EYA4: variants seen among roughly 807,000 people sequenced by gnomAD.
The protein encoded by EYA4 is EYA transcriptional coactivator and phosphatase 4.
In EYA4, 31 loss-of-function variants were observed where a neutral mutation model predicts 87.9. The ratio of observed to expected loss-of-function variants is 0.35; its 90% confidence interval spans 0.27 to 0.48. The LOEUF (loss-of-function observed/expected upper bound fraction) is 0.48. Ranked by LOEUF, EYA4 falls within the 20% of genes least tolerant of loss-of-function variation. EYA4 has a pLI of 0.99. For synonymous variants in EYA4, 263 were observed against 270.6 expected, an observed-to-expected ratio of 0.97 and a Z score of 0.28; for missense variants, 678 against 761.4, an observed-to-expected ratio of 0.89 and a Z score of 1.29.
At chr6:133,455,132 G>A (rs1447304511) in intron 5 of EYA4, among the ~76,000 whole-genome samples, 1 of 152,124 alleles carries the variant, frequency 6.6e-6, no homozygotes, top group Non-Finnish European at 1.5e-5. Flanking sequence ...TTTTATAGTA[G>A]TAAATATAAA....
At chr6:133,338,014 A>T (rs1161996861) in intron 2 of EYA4, among the ~76,000 whole-genome samples, 1 of 152,212 alleles carries the variant, frequency 6.6e-6, no homozygotes, top group Non-Finnish European at 1.5e-5. Context: ...GGCCAGATGC[A>T]TAGGGTGAAG....
intron 3 of EYA4, among the ~76,000 whole-genome samples, chr6:133,405,272 T>C (rs1788607548): frequency 6.6e-6 from 1 of 152,152 alleles, no homozygotes; most frequent in Non-Finnish European, 1.5e-5. Flanking sequence ...AAAATATCTA[T>C]TGGATATATG....
intron 1 of EYA4, among the ~76,000 whole-genome samples, chr6:133,243,398 T>C (rs1774134911): frequency 6.6e-6 from 1 of 152,138 alleles, no homozygotes; most frequent in Non-Finnish European, 1.5e-5. Flanking sequence ...GTGGCCACTT[T>C]GTGAACCCTC....
At chr6:133,524,474 C>A (rs555866591) in intron 18 of EYA4, among the ~76,000 whole-genome samples, 1 of 152,200 alleles carries the variant, frequency 6.6e-6, no homozygotes, top group East Asian at 1.9e-4. Flanking sequence ...CGGTGATGTT[C>A]CCGTAGTGCA....
Position 133,529,492 on chromosome 6 carries a change from G to A in EYA4, c.*687G>A, listed in dbSNP as rs1369641785. On this transcript the variant is annotated 3_prime_UTR_variant, in exon 20 of 20. Coordinates refer to ENST00000355286, the MANE Select transcript of EYA4 (RefSeq NM_004100.5). ...CAAGACAGCATTTGTGTGTTACAAT[G>A]TAACTTTGGTTAAAATCTCTGTAGA... 2 of 933,100 alleles carry A rather than the reference G, an allele frequency of 2.1e-6. No individual in the cohort carries two copies. The highest frequency in any genetic ancestry group is 9.9e-5 in the South Asian group (2 of 20,260). The allele number at this position is 933,100 out of a possible 1,614,324, so 57.8% of individuals were successfully genotyped here. A position where few individuals can be genotyped will look rare whatever the true frequency, so the allele number is the denominator to read the frequency against.
intron 2 of EYA4, among the ~76,000 whole-genome samples, chr6:133,293,801 G>T (rs1416761501): frequency 6.6e-6 from 1 of 151,354 alleles, no homozygotes; most frequent in Non-Finnish European, 1.5e-5. Flanking sequence ...GACAGGCATG[G>T]TGGCATGCAC....
intron 14 of EYA4, 35 bp downstream of exon 14, chr6:133,506,230 A>C: frequency 8.9e-7 from 1 of 1,117,448 alleles, no homozygotes; most frequent in Non-Finnish European, 1.4e-6. Context: ...AGTTGTATCC[A>C]ACACCAGACC....
At chr6:133,383,700 TC>T (rs1786454883) in intron 3 of EYA4, among the ~76,000 whole-genome samples, 1 of 152,116 alleles carries the variant, frequency 6.6e-6, no homozygotes, top group African/African-American at 2.4e-5. Context: ...ATATGGATTT[TC>T]CCTTTGGATC....
intron 2 of EYA4, among the ~76,000 whole-genome samples, chr6:133,288,855 G>A (rs527529920): frequency 8.5e-5 from 13 of 152,200 alleles, no homozygotes; most frequent in East Asian, 3.9e-4. Context: ...ACTGTCTGAC[G>A]TTCCAAGAGG....
At chr6:133,522,120 A>T (rs1800221331) in intron 17 of EYA4, among the ~76,000 whole-genome samples, 1 of 146,188 alleles carries the variant, frequency 6.8e-6, no homozygotes, top group East Asian at 2.0e-4. Flanking sequence ...TATAATAATA[A>T]AAAAAAAAAG....
chr6:133,465,280 G>A (rs2128666004), intron 10 of EYA4, among the ~76,000 whole-genome samples: 1 of 152,190 alleles, frequency 6.6e-6, no homozygotes, highest in African/African-American at 2.4e-5. Context: ...AACATTTTCA[G>A]TCCTAAAAAG....
chr6:133,437,454 G>A (rs980094544), intron 3 of EYA4, among the ~76,000 whole-genome samples: 1 of 152,080 alleles, frequency 6.6e-6, no homozygotes, highest in Non-Finnish European at 1.5e-5. Context: ...TATCCTCTCT[G>A]AGCCTCAATT....
intron 1 of EYA4, among the ~76,000 whole-genome samples, chr6:133,258,905 C>A (rs1280091956): frequency 6.6e-6 from 1 of 152,032 alleles, no homozygotes; most frequent in South Asian, 2.1e-4. Flanking sequence ...CAAACAGAAC[C>A]CTAGGGTCTT....
At chr6:133,391,227 T>TTG (rs1787259018) in intron 3 of EYA4, among the ~76,000 whole-genome samples, 1 of 145,798 alleles carries the variant, frequency 6.9e-6, no homozygotes, top group Non-Finnish European at 1.5e-5. Flanking sequence ...TTTTTGTTTT[T>TTG]TTTTTTTTTT....
intron 2 of EYA4, among the ~76,000 whole-genome samples, chr6:133,357,035 G>A (rs1018470433): frequency 6.6e-6 from 1 of 151,850 alleles, no homozygotes; most frequent in African/African-American, 2.4e-5. Flanking sequence ...ACTTTGGGAG[G>A]CCGAGGCGGG....
intron 7 of EYA4, among the ~76,000 whole-genome samples, chr6:133,461,651 G>A (rs547355241): frequency 2.6e-5 from 4 of 152,174 alleles, no homozygotes; most frequent in South Asian, 2.1e-4. Flanking sequence ...TCAGCCAGAC[G>A]TGCCAAGATT....
At chr6:133,300,937 A>G (rs1779355516) in intron 2 of EYA4, among the ~76,000 whole-genome samples, 1 of 152,176 alleles carries the variant, frequency 6.6e-6, no homozygotes, top group Non-Finnish European at 1.5e-5. Flanking sequence ...CTATGTGTCC[A>G]GTTATTTTCC....
intron 16 of EYA4, 28 bp from the exon 17 acceptor site, chr6:133,515,293 A>T (rs1799496318): frequency 9.2e-7 from 1 of 1,089,976 alleles, no homozygotes; most frequent in Non-Finnish European, 1.4e-6. Context: ...TCATCTCTCG[A>T]CTCTGCCTTG....
In EYA4 at chr6:133,291,794, CCTTT is replaced by C. The variant is rs1055345733; in HGVS notation, c.33+16985_33+16988del. On this transcript the variant is annotated intron_variant, in intron 2 of 19. Transcript: ENST00000355286. ...ACTCTCTGTAGGACTGACTGCTTCC[CCTTT>C]CTTCTGTGATTTGCATAGTATTATC... 5.5e-4 allele frequency among the ~76,000 whole-genome samples: 84 copies of C among 152,228 alleles called. 2 individuals carry two copies. Among genetic ancestry groups the C allele is most frequent in the African/African-American group, 1.9e-3 (81 of 41,550 alleles).
Sources: allele counts gnomAD v4.1 joint callset (sites outside exome capture counted in the v4.1 genomes callset), GRCh38; gene constraint gnomAD v4.1.1; transcripts MANE v1.5; gene names NCBI Gene and HGNC (gene_info 2026-07-23, HGNC 2026-07-21).